Variants in WBP1L observed in about 807,000 individuals in gnomAD.
WBP1L encodes the protein WW domain binding protein 1 like, also known as WW domain binding protein 1-like.
Under a neutral mutation model 33.7 loss-of-function variants are expected in WBP1L, and 17 were observed. The observed-to-expected ratio is 0.50, with a 90% CI of 0.34 to 0.76. The LOEUF (loss-of-function observed/expected upper bound fraction) is 0.76. WBP1L is among the 30% of genes least tolerant of loss of function. The pLI, the probability that WBP1L is intolerant of heterozygous loss-of-function variation, is 0.01. For missense variants in WBP1L, 389 were observed against 469.4 expected, an observed-to-expected ratio of 0.83 and a Z score of 1.58; for synonymous variants, 173 against 190.8, an observed-to-expected ratio of 0.91 and a Z score of 0.77.
intron 2 of WBP1L, among the ~76,000 whole-genome samples, chr10:102,805,920 G>T (rs140793766): frequency 6.6e-6 from 1 of 151,262 alleles, no homozygotes; most frequent in Non-Finnish European, 1.5e-5. Context: ...AAAAAAATTG[G>T]CCTGGCACGG....
chr10:102,762,675 G>T (rs1590170266), intron 1 of WBP1L, among the ~76,000 whole-genome samples: 2 of 152,302 alleles, frequency 1.3e-5, no homozygotes, highest in East Asian at 3.9e-4. Context: ...TCAATTTTTA[G>T]TGAAGAGAGA....
chr10:102,767,461 G>A (rs1188880406), intron 1 of WBP1L, among the ~76,000 whole-genome samples: 2 of 152,106 alleles, frequency 1.3e-5, no homozygotes, highest in African/African-American at 2.4e-5. Context: ...TTTTGAGGCT[G>A]CAGTGTATTA....
chr10:102,772,925 CTTTT>C (rs58706105), intron 1 of WBP1L, among the ~76,000 whole-genome samples: 1 of 138,944 alleles, frequency 7.2e-6, no homozygotes. Context: ...GTATGACTTC[CTTTT>C]TTTTTTTTTT....
chr10:102,764,246 C>G (rs910189629), intron 1 of WBP1L, among the ~76,000 whole-genome samples: 6 of 152,124 alleles, frequency 3.9e-5, no homozygotes, highest in African/African-American at 1.4e-4. Flanking sequence ...CAGTCCAAGG[C>G]CTTGGAAAAG....
chr10:102,752,287 C>G (rs1486502434), intron 1 of WBP1L, among the ~76,000 whole-genome samples: 1 of 152,130 alleles, frequency 6.6e-6, no homozygotes, highest in Non-Finnish European at 1.5e-5. Flanking sequence ...CTTACCAGGT[C>G]CTGTTCATTA....
chr10:102,744,528 T>C, intron 1 of WBP1L: 1 of 969,740 alleles, frequency 1.0e-6, no homozygotes, highest in South Asian at 4.8e-5. Context: ...ACACAGGCTA[T>C]TGAGTTGGCC....
At chr10:102,785,182 CTT>C (rs35342758) in intron 1 of WBP1L, among the ~76,000 whole-genome samples, 9 of 124,968 alleles carry the variant, frequency 7.2e-5, no homozygotes, top group Admixed American at 8.4e-5. Context: ...CACCAGCCCA[CTT>C]TTTTTTTTTT....
intron 1 of WBP1L, among the ~76,000 whole-genome samples, chr10:102,778,440 A>C (rs1044550277): frequency 5.9e-5 from 9 of 152,170 alleles, no homozygotes; most frequent in African/African-American, 1.9e-4. Context: ...TTGGACATGT[A>C]GTGAGAGAAT....
chr10:102,804,015 A>G (rs1322904655), intron 2 of WBP1L: 1 of 152,116 alleles, frequency 6.6e-6, no homozygotes, highest in Admixed American at 6.5e-5. Context: ...CAAATTTGTG[A>G]AGCACTCCAT....
intron 1 of WBP1L, among the ~76,000 whole-genome samples, chr10:102,769,635 A>G (rs1162574570): frequency 2.6e-5 from 4 of 152,138 alleles, no homozygotes; most frequent in African/African-American, 7.2e-5. Flanking sequence ...TCAAAATCCT[A>G]TCTGCATATG....
chr10:102,800,461 G>A (rs1012066902), intron 2 of WBP1L, among the ~76,000 whole-genome samples: 2 of 152,162 alleles, frequency 1.3e-5, no homozygotes, highest in African/African-American at 4.8e-5. Flanking sequence ...GGGAAAGCAG[G>A]TGCCTCACCC....
At chr10:102,809,539 T>C (rs890590413) in intron 2 of WBP1L, among the ~76,000 whole-genome samples, 3 of 151,444 alleles carry the variant, frequency 2.0e-5, no homozygotes, top group African/African-American at 7.3e-5. Context: ...ACCTGGCTGA[T>C]TTTTGTATTT....
At position 102,743,965 on chromosome 10, in the gene WBP1L, GGGAAGAA is replaced by G. The variant is rs1053703871; in HGVS notation, c.-80_-74del. The G allele has an allele frequency of 6.7e-6, 7 of 1,045,284 alleles. No homozygotes were observed. The highest frequency in any genetic ancestry group is 8.4e-6 in the Non-Finnish European group (6 of 718,454). The allele number at this position is 1,045,284 out of a possible 1,614,324, so 64.8% of individuals were successfully genotyped here. On this transcript the variant is annotated 5_prime_UTR_variant, in exon 1 of 4. Coordinates refer to ENST00000448841, the MANE Select transcript of WBP1L (RefSeq NM_001083913.2). ...AGGGGAGCGTCAAACAGGAAAAGAAGGGAAGAAGGAAGAAGAGGGTAGAGGAGGAGAG... is the reference window on the plus strand; with the variant it reads ...AGGGGAGCGTCAAACAGGAAAAGAAGGGAAGAAGAGGGTAGAGGAGGAGAG...
chr10:102,810,100 C>T, intron 3 of WBP1L, 46 bp downstream of exon 3: 1 of 1,567,018 alleles, frequency 6.4e-7, no homozygotes, highest in Non-Finnish European at 8.6e-7. Flanking sequence ...AGCTCAGGTG[C>T]ACAGACCCAG....
chr10:102,789,148 C>T (rs904022027), intron 1 of WBP1L, among the ~76,000 whole-genome samples: 1 of 152,012 alleles, frequency 6.6e-6, no homozygotes, highest in Non-Finnish European at 1.5e-5. Context: ...TTTTTAATAG[C>T]GATGGGTTTT....
At chr10:102,756,333 C>T (rs947401792) in intron 1 of WBP1L, among the ~76,000 whole-genome samples, 18 of 152,076 alleles carry the variant, frequency 1.2e-4, no homozygotes, top group Non-Finnish European at 2.1e-4. Context: ...TCACTTGAAC[C>T]CGGGAAGCAG....
intron 1 of WBP1L, among the ~76,000 whole-genome samples, chr10:102,786,487 T>A (rs148789891): frequency 1.6e-3 from 238 of 152,246 alleles, no homozygotes; most frequent in African/African-American, 5.4e-3. Flanking sequence ...CCCTAGAGGG[T>A]CTCAGTCTAT....
In WBP1L at chr10:102,812,630, G is replaced by A; in HGVS notation, c.391G>A (p.Glu131Lys). 1 of 1,598,226 alleles carries A rather than the reference G, an allele frequency of 6.3e-7. No homozygotes were observed. Reference protein sequence around the residue: ...LPNYLLPPYEEVVNRPPTPPP... With the variant: ...LPNYLLPPYEKVVNRPPTPPP... ...AAACTATTTACTACCTCCTTATGAG[G>A]AAGTGGTGAACCGACCTCCAACTCC... is the stretch of plus-strand genomic sequence containing the variant. The change falls in exon 4 of 4, where the codon GAA becomes AAA. Residue 131 changes from glutamate (E) to lysine (K), a missense_variant. Glu to Lys is a moderately conservative substitution (Grantham distance 56). Coordinates refer to ENST00000448841, the MANE Select transcript of WBP1L (RefSeq NM_001083913.2).
chr10:102,804,337 G>A (rs1283326063), intron 2 of WBP1L, among the ~76,000 whole-genome samples: 4 of 137,742 alleles, frequency 2.9e-5, no homozygotes, highest in South Asian at 4.7e-4. Context: ...GCAGTGAGCC[G>A]AGATCACACC....
Sources: gnomAD v4.1 joint callset for allele counts (sites outside exome capture counted in the v4.1 genomes callset) on GRCh38, gnomAD v4.1.1 for gene constraint, MANE v1.5 for transcripts, NCBI Gene and HGNC (gene_info 2026-07-23, HGNC 2026-07-21) for gene names.